Variants in ADGRL2 observed in about 807,000 individuals in gnomAD.
ADGRL2 encodes the protein adhesion G protein-coupled receptor L2.
In ADGRL2, 44 loss-of-function variants were observed where a neutral mutation model predicts 157.4. The ratio of observed to expected loss-of-function variants is 0.28; its 90% CI spans 0.22 to 0.36. The LOEUF (loss-of-function observed/expected upper bound fraction) is 0.36. Ranked by LOEUF, ADGRL2 falls within the 10% of genes least tolerant of loss-of-function variation. ADGRL2 has a pLI of 1.00. For synonymous variants in ADGRL2, 585 were observed against 624.7 expected (o/e 0.94, Z 0.95); for missense variants, 1,510 against 1,768.9 (o/e 0.85, Z 2.63).
chr1:81,856,990 C>T (rs375679149), intron 2 of ADGRL2, among the ~76,000 whole-genome samples: 1 of 152,056 alleles, frequency 6.6e-6, no homozygotes, highest in South Asian at 2.1e-4. Context: ...TCATTTTGTA[C>T]TTTTAATTTA....
At chr1:81,517,047 A>G (rs1215421801) in intron 2 of ADGRL2, among the ~76,000 whole-genome samples, 1 of 152,218 alleles carries the variant, frequency 6.6e-6, no homozygotes, top group Non-Finnish European at 1.5e-5. Context: ...GCCAGAGGTC[A>G]TATTGATTAA....
chr1:81,642,085 C>A (rs1258199574), intron 3 of ADGRL2, among the ~76,000 whole-genome samples: 12 of 142,562 alleles, frequency 8.4e-5, no homozygotes, highest in Admixed American at 1.4e-4. Flanking sequence ...ACTAAACATA[C>A]AAAAAAAAAA....
chr1:81,314,737 G>A (rs927736981), intron 1 of ADGRL2, among the ~76,000 whole-genome samples: 1 of 152,156 alleles, frequency 6.6e-6, no homozygotes, highest in African/African-American at 2.4e-5. Context: ...TACACATGCT[G>A]TGGCAGAATT....
intron 2 of ADGRL2, among the ~76,000 whole-genome samples, chr1:81,555,906 T>C (rs2080263804): frequency 6.6e-6 from 1 of 152,176 alleles, no homozygotes; most frequent in Non-Finnish European, 1.5e-5. Context: ...ATTGTCATGC[T>C]ACTGAAAACA....
chr1:81,970,290 GT>G (rs750659209), intron 15 of ADGRL2, 23 bp from the exon 16 acceptor site: 6 of 1,548,200 alleles, frequency 3.9e-6, no homozygotes, highest in Non-Finnish European at 4.5e-6. Context: ...TTTCTTTTGT[GT>G]TTTTTGTTCT....
chr1:81,781,310 G>T (rs895888807), intron 2 of ADGRL2, among the ~76,000 whole-genome samples: 1 of 152,256 alleles, frequency 6.6e-6, no homozygotes, highest in Admixed American at 6.5e-5. Flanking sequence ...TGGAGGTGCT[G>T]CAGGACCTGC....
intron 1 of ADGRL2, among the ~76,000 whole-genome samples, chr1:81,752,423 T>G (rs947018731): frequency 6.6e-6 from 1 of 152,244 alleles, no homozygotes; most frequent in Non-Finnish European, 1.5e-5. Flanking sequence ...TCTTTAAAAC[T>G]ACAGCATTAT....
At chr1:81,417,978 G>A (rs962503358) in intron 1 of ADGRL2, among the ~76,000 whole-genome samples, 1 of 151,944 alleles carries the variant, frequency 6.6e-6, no homozygotes, top group African/African-American at 2.4e-5. Context: ...GTATTTTAAG[G>A]GGCTCACTTG....
intron 3 of ADGRL2, among the ~76,000 whole-genome samples, chr1:81,592,754 C>A (rs1179122375): frequency 1.3e-5 from 2 of 152,056 alleles, no homozygotes; most frequent in Admixed American, 6.6e-5. Context: ...GGTCAATTCG[C>A]CCTTATAGTA....
chr1:81,780,136 G>T (rs891377299), intron 2 of ADGRL2, among the ~76,000 whole-genome samples: 3 of 152,074 alleles, frequency 2.0e-5, no homozygotes, highest in African/African-American at 7.2e-5. Flanking sequence ...CCATCTACAG[G>T]TTCTTGGATT....
chr1:81,449,779 C>G (rs1349319398), intron 2 of ADGRL2, among the ~76,000 whole-genome samples: 1 of 151,960 alleles, frequency 6.6e-6, no homozygotes, highest in Admixed American at 6.6e-5. Flanking sequence ...TGTGTAGAGA[C>G]AAGGTTTCAC....
At chr1:81,847,149 A>G (rs1204258513) in intron 2 of ADGRL2, among the ~76,000 whole-genome samples, 2 of 151,876 alleles carry the variant, frequency 1.3e-5, no homozygotes, top group African/African-American at 4.8e-5. Context: ...GAGAGAGGAA[A>G]GATTCAGGAA....
chr1:81,878,866 T>A (rs1006330374), intron 2 of ADGRL2, among the ~76,000 whole-genome samples: 1 of 152,324 alleles, frequency 6.6e-6, no homozygotes, highest in South Asian at 2.1e-4. Context: ...AATTATATGC[T>A]ACGGTAGTAT....
chr1:81,820,718 A>G (rs2090901933), intron 1 of ADGRL2, among the ~76,000 whole-genome samples: 1 of 141,894 alleles, frequency 7.0e-6, no homozygotes, highest in African/African-American at 2.7e-5. Context: ...GGAAGTGTTG[A>G]TGTTGACCTG....
intron 2 of ADGRL2, among the ~76,000 whole-genome samples, chr1:81,538,018 G>A (rs1475376407): frequency 1.3e-5 from 2 of 152,020 alleles, no homozygotes; most frequent in African/African-American, 4.8e-5. Context: ...TTGATTACAG[G>A]AAAAGATAGG....
At chr1:81,456,244 G>T (rs890936564) in intron 2 of ADGRL2, among the ~76,000 whole-genome samples, 3 of 151,876 alleles carry the variant, frequency 2.0e-5, no homozygotes, top group Non-Finnish European at 4.4e-5. Context: ...TTTTTTAAGA[G>T]ATGGGGTCTC....
intron 3 of ADGRL2, among the ~76,000 whole-genome samples, chr1:81,925,791 G>A (rs1002410891): frequency 6.6e-6 from 1 of 151,896 alleles, no homozygotes. Context: ...AATTATATTA[G>A]TTATCAATTC....
chr1:81,895,583 CGG>C (rs780913260), intron 2 of ADGRL2, among the ~76,000 whole-genome samples: 1 of 151,516 alleles, frequency 6.6e-6, no homozygotes, highest in Non-Finnish European at 1.5e-5. Context: ...TTAGTAGAGA[CGG>C]GGTTTCACCA....
chr1:81,395,960 T>C (rs988860405), intron 1 of ADGRL2, among the ~76,000 whole-genome samples: 8 of 152,192 alleles, frequency 5.3e-5, no homozygotes, highest in African/African-American at 1.9e-4. Flanking sequence ...TGAAGTCAGA[T>C]AGTGTGATGG....
Sources: allele counts gnomAD v4.1 joint callset (sites outside exome capture counted in the v4.1 genomes callset), GRCh38; gene constraint gnomAD v4.1.1; transcripts MANE v1.5; gene names NCBI Gene and HGNC (gene_info 2026-07-23, HGNC 2026-07-21).